The following SRPK2 variants were observed in gnomAD, a reference collection of about 807,000 sequenced individuals.
SRPK2 encodes the protein SRSF protein kinase 2, also known as SFRS protein kinase 2.
A neutral mutation model predicts 90.8 loss-of-function variants in SRPK2; 21 were observed. That is an observed-to-expected ratio of 0.23 (90% CI 0.16 to 0.33). The LOEUF (loss-of-function observed/expected upper bound fraction) is 0.33. Among genes scored for constraint, SRPK2 ranks in the 10% least tolerant of loss-of-function variants. The pLI is 1.00. For synonymous variants in SRPK2, 288 were observed against 311.1 expected (o/e 0.93, Z 0.78); for missense variants, 620 against 869.0 (o/e 0.71, Z 3.60).
At chr7:105,223,051 A>G (rs1414692424) in intron 2 of SRPK2, among the ~76,000 whole-genome samples, 2 of 152,238 alleles carry the variant, frequency 1.3e-5, no homozygotes, top group Non-Finnish European at 1.5e-5. Flanking sequence ...AATAAGAGGT[A>G]GGCTGAAGTG....
chr7:105,188,112 A>G (rs952339149), intron 3 of SRPK2, among the ~76,000 whole-genome samples: 5 of 152,268 alleles, frequency 3.3e-5, no homozygotes, highest in East Asian at 1.9e-4. Context: ...GCCAAAAGTG[A>G]TAACAACCCA....
chr7:105,167,521 C>T, intron 5 of SRPK2, 57 bp from the exon 6 acceptor site: 1 of 1,197,596 alleles, frequency 8.4e-7, no homozygotes, highest in Non-Finnish European at 1.2e-6. Context: ...GCATGTTTTC[C>T]CATTATAACA....
intron 3 of SRPK2, among the ~76,000 whole-genome samples, chr7:105,192,574 T>C (rs1176330028): frequency 1.3e-5 from 2 of 152,220 alleles, no homozygotes; most frequent in East Asian, 1.9e-4. Flanking sequence ...GTTAGTGGGA[T>C]TGCTGGATCA....
chr7:105,314,352 C>A lies in SRPK2; in HGVS notation c.71+74296G>T, dbSNP rs190045427. 3.9e-5 allele frequency among the ~76,000 whole-genome samples: 6 copies of A among 152,028 alleles called. No individual in the cohort carries two copies. The East Asian group carries it at 1.2e-3, about 30-fold the overall frequency. Reference sequence around the variant, plus strand: ...GTCTTGAAAAATAAACTGGCAAATCCTTCCCAAAGATTACCTGGGCAACAT... The same window carrying A: ...GTCTTGAAAAATAAACTGGCAAATCATTCCCAAAGATTACCTGGGCAACAT... On this transcript the variant is annotated intron_variant, in intron 2 of 15. Transcript: ENST00000393651.
At chr7:105,295,488 T>C (rs1809690220) in intron 2 of SRPK2, among the ~76,000 whole-genome samples, 1 of 152,176 alleles carries the variant, frequency 6.6e-6, no homozygotes, top group African/African-American at 2.4e-5. Flanking sequence ...GTATGACACA[T>C]GCTACAAGAT....
chr7:105,248,241 A>G (rs929507574), intron 2 of SRPK2, among the ~76,000 whole-genome samples: 20 of 152,096 alleles, frequency 1.3e-4, no homozygotes, highest in African/African-American at 4.8e-4. Flanking sequence ...TCAGAATCAC[A>G]TTTATATTTA....
At chr7:105,282,738 G>C (rs12532268) in intron 2 of SRPK2, among the ~76,000 whole-genome samples, 1 of 151,872 alleles carries the variant, frequency 6.6e-6, no homozygotes, top group Non-Finnish European at 1.5e-5. Context: ...GCAGTGAGCC[G>C]AGATTGTGCC....
chr7:105,159,463 A>AAAAAAAAAAAAAAAAAAAAAAAAAAAG (rs1807153359), intron 7 of SRPK2, among the ~76,000 whole-genome samples: 1 of 146,522 alleles, frequency 6.8e-6, no homozygotes, highest in Admixed American at 6.8e-5. Context: ...AAAAAAAAAA[A>AAAAAAAAAAAAAAAAAAAAAAAAAAAG]AAAAAAAAAA....
At chr7:105,227,893 C>CAAAAAAAAAAAA (rs566478716) in intron 2 of SRPK2, among the ~76,000 whole-genome samples, 6 of 84,680 alleles carry the variant, frequency 7.1e-5, no homozygotes, top group Admixed American at 1.3e-4. Flanking sequence ...TATCATTCAG[C>CAAAAAAAAAAAA]AAAAAAAAAA....
chr7:105,125,210 TA>T (rs1801016495), intron 15 of SRPK2, among the ~76,000 whole-genome samples: 1 of 151,892 alleles, frequency 6.6e-6, no homozygotes, highest in African/African-American at 2.4e-5. Context: ...GGTGTTTTTA[TA>T]AATTACTAAC....
chr7:105,321,479 C>G (rs1049247521), intron 2 of SRPK2, among the ~76,000 whole-genome samples: 2 of 151,996 alleles, frequency 1.3e-5, no homozygotes, highest in Non-Finnish European at 2.9e-5. Flanking sequence ...GTAAAATGAA[C>G]TTCAAAATTA....
chr7:105,367,761 T>C (rs1297792331), intron 2 of SRPK2, among the ~76,000 whole-genome samples: 2 of 152,210 alleles, frequency 1.3e-5, no homozygotes, highest in African/African-American at 4.8e-5. Flanking sequence ...ACACATTTTG[T>C]GTACATTTCA....
chr7:105,167,954 A>T (rs1790300142), intron 5 of SRPK2, 54 bp downstream of exon 5: 2 of 1,430,000 alleles, frequency 1.4e-6, no homozygotes, highest in Non-Finnish European at 1.9e-6. Context: ...ATCTTTCTGT[A>T]AAATTTTAAG....
upstream of SRPK2, among the ~76,000 whole-genome samples, chr7:105,391,597 T>C (rs528882619): frequency 6.6e-6 from 1 of 152,022 alleles, no homozygotes; most frequent in South Asian, 2.1e-4. Flanking sequence ...ATCATCTGAG[T>C]CCAGGAGTTG....
At chr7:105,134,221 T>C (rs1802456997) in intron 11 of SRPK2, among the ~76,000 whole-genome samples, 1 of 152,204 alleles carries the variant, frequency 6.6e-6, no homozygotes, top group African/African-American at 2.4e-5. Flanking sequence ...TCCCTAGTGT[T>C]AGAAGAGGGG....
chr7:105,155,977 C>A (rs1806434615), intron 7 of SRPK2, among the ~76,000 whole-genome samples: 1 of 152,060 alleles, frequency 6.6e-6, no homozygotes, highest in Admixed American at 6.6e-5. Context: ...TCATAAAAAA[C>A]GTAAGCTGGT....
intron 2 of SRPK2, among the ~76,000 whole-genome samples, chr7:105,210,006 G>C (rs1796663958): frequency 1.3e-5 from 2 of 152,060 alleles, no homozygotes; most frequent in Non-Finnish European, 2.9e-5. Context: ...ATGTACACTT[G>C]CTCTGTCAGA....
chr7:105,359,726 A>T (rs919223551), intron 2 of SRPK2, among the ~76,000 whole-genome samples: 6 of 152,172 alleles, frequency 3.9e-5, no homozygotes, highest in Non-Finnish European at 8.8e-5. Context: ...ACATCTGGAA[A>T]CCGTTCATCC....
intron 7 of SRPK2, among the ~76,000 whole-genome samples, chr7:105,156,055 A>T (rs997759420): frequency 1.3e-5 from 2 of 152,226 alleles, no homozygotes; most frequent in Non-Finnish European, 1.5e-5. Context: ...ATACAGGCTG[A>T]CACCAGATGA....
Sources: gnomAD v4.1 joint callset for allele counts (sites outside exome capture counted in the v4.1 genomes callset) on GRCh38, gnomAD v4.1.1 for gene constraint, MANE v1.5 for transcripts, NCBI Gene and HGNC (gene_info 2026-07-23, HGNC 2026-07-21) for gene names.